Variants in DEF8 observed in about 807,000 individuals in gnomAD.
DEF8 encodes the protein differentially expressed in FDCP 8 homolog.
Under a neutral mutation model 59.1 loss-of-function variants are expected in DEF8, and 38 were observed. The observed-to-expected ratio is 0.64, with a 90% CI of 0.50 to 0.84. The LOEUF is 0.84. DEF8 is among the 40% of genes least tolerant of loss of function. The probability of loss-of-function intolerance (pLI) is 0.00; values close to 1 mark genes in which losing one functional copy is unlikely to be tolerated. For synonymous variants in DEF8, 265 were observed against 250.1 expected (o/e 1.06, Z -0.56); for missense variants, 557 against 615.2 (o/e 0.91, Z 1.00).
At chr16:89,958,635 T>A in intron 5 of DEF8, 1 of 241,680 alleles carries the variant, frequency 4.1e-6, no homozygotes, top group Non-Finnish European at 8.3e-6. Flanking sequence ...GGGGCCTCTA[T>A]GACAGCTAAT....
At chr16:89,957,115 G>C (rs1338798784) in intron 4 of DEF8, 1 of 158,434 alleles carries the variant, frequency 6.3e-6, no homozygotes, top group Non-Finnish European at 1.4e-5. Context: ...TGGCAGTCAA[G>C]CTCGAGGCCA....
rs539218429 is a variant in DEF8 at position 89,965,722 on chromosome 16, C to T, written c.1254-139C>T. Reference sequence around the variant, plus strand: ...CGCTCTGCACACGGCCATACAGTCACTTGCATCTGGCTGCAGACTCCGACT... The same window carrying T: ...CGCTCTGCACACGGCCATACAGTCATTTGCATCTGGCTGCAGACTCCGACT... On this transcript the variant is annotated intron_variant, in intron 12 of 12. Coordinates refer to ENST00000563594, the MANE Select transcript of DEF8 (RefSeq NM_001242818.2). 1.6e-4 allele frequency: 95 copies of T among 594,940 alleles called. 2 individuals are homozygous for T. In the African/African-American group the frequency reaches 1.7e-3, roughly 10 times the overall value. 36.9% of individuals were successfully genotyped at this position (594,940 alleles called of 1,614,324 possible).
Position 89,954,422 on chromosome 16 carries a change from C to G in DEF8, c.124+46C>G, listed in dbSNP as rs781681922. On this transcript the variant is annotated intron_variant, in intron 3 of 12. Transcript: ENST00000563594. This position sits in a 1 kb window ranked among gnomAD's most constrained non-coding sequence, Gnocchi z 4.3. ...GGGTGGGAGCTGGGCAGGTCTCTGA[C>G]TGCTTACGTGGACCCCTCCTTTCTT... The G allele has an allele frequency of 1.3e-6, 2 of 1,591,606 alleles. No homozygotes were observed. The highest frequency in any genetic ancestry group is 1.8e-5 in the Admixed American group (1 of 57,078).
intron 12 of DEF8, 35 bp from the exon 13 acceptor site, chr16:89,965,826 C>T: frequency 6.8e-7 from 1 of 1,465,758 alleles, no homozygotes; most frequent in Non-Finnish European, 9.5e-7. Context: ...CTGGAGTTTC[C>T]TGTGCAGAGA....
Position 89,963,434 on chromosome 16 carries a change from G to A in DEF8, c.993G>A (p.Leu331=), listed in dbSNP as rs201567148. The A allele has an allele frequency of 6.2e-7, 1 of 1,613,342 alleles. No individual in the cohort carries two copies. The highest frequency in any genetic ancestry group is 8.5e-7 in the Non-Finnish European group (1 of 1,179,646). The change falls in exon 10 of 13, where the codon CTG becomes CTA. Residue 331 remains leucine, a synonymous_variant. Transcript: ENST00000563594. The stretch of plus-strand genomic sequence containing the variant: ...GCAGGGAGGCCATGGAGGCTCGTCT[G>A]CTGCTGCAGGTCAGACTGCCAGCAG... ...ITCREAMEAR[L]LLQLQDRQHF...
intron 10 of DEF8, 36 bp from the exon 11 acceptor site, chr16:89,964,134 C>G: frequency 6.2e-7 from 1 of 1,613,804 alleles, no homozygotes; most frequent in Non-Finnish European, 8.5e-7. Flanking sequence ...GGGGCCCTCC[C>G]CGGTGCAGGG....
intron 4 of DEF8, among the ~76,000 whole-genome samples, chr16:89,955,660 C>A (rs547285409): frequency 5.3e-5 from 8 of 152,140 alleles, no homozygotes; most frequent in Non-Finnish European, 1.2e-4. Flanking sequence ...AAGGGGAAGC[C>A]CCTTGTCTGC....
At chr16:89,951,038 C>T (rs955280269) in intron 2 of DEF8, among the ~76,000 whole-genome samples, 8 of 152,118 alleles carry the variant, frequency 5.3e-5, no homozygotes, top group Non-Finnish European at 1.0e-4. Flanking sequence ...TACTATGTGC[C>T]GGCCAGTGTT....
intron 2 of DEF8, among the ~76,000 whole-genome samples, chr16:89,949,901 C>T (rs557654419): frequency 6.6e-6 from 1 of 152,298 alleles, no homozygotes; most frequent in South Asian, 2.1e-4. Context: ...GGCTGGCGTT[C>T]TGCTCAGAGT....
Position 89,960,500 on chromosome 16 carries a change from C to A in DEF8, c.515-431C>A, listed in dbSNP as rs372208523. ...CTCCAGCCTGGGCAAAAGAGCAAGA[C>A]CCTGTCTCTTAAAAAGTACAAAAAC... On this transcript the variant is annotated intron_variant, in intron 6 of 12. Transcript: ENST00000563594. Among the ~76,000 whole-genome samples, 6 of 152,012 alleles carry A rather than the reference C, an allele frequency of 3.9e-5. No individual in the cohort carries two copies. In the East Asian group the frequency reaches 1.2e-3, roughly 29 times the overall value.
chr16:89,963,521 CG>C, intron 10 of DEF8, 78 bp downstream of exon 10: 1 of 1,302,374 alleles, frequency 7.7e-7, no homozygotes, highest in Non-Finnish European at 1.1e-6. Flanking sequence ...AGGTTTTTTC[CG>C]GACAGCTTGT....
intron 2 of DEF8, chr16:89,952,640 C>G (rs374026484): frequency 6.6e-6 from 1 of 152,358 alleles, no homozygotes; most frequent in African/African-American, 2.4e-5. Context: ...GTGCTGGCAT[C>G]GGGTGGCCGC....
chr16:89,965,810 T>G, intron 12 of DEF8, 51 bp from the exon 13 acceptor site: 2 of 1,260,014 alleles, frequency 1.6e-6, no homozygotes, highest in Admixed American at 1.9e-5. Flanking sequence ...TTGGGGGGAT[T>G]CAGTGCTGGA....
Position 89,954,237 on chromosome 16 carries a change from C to G in DEF8, c.-10-6C>G. On this transcript the variant is annotated splice_polypyrimidine_tract_variant and splice_region_variant and intron_variant, in intron 2 of 12. Coordinates refer to ENST00000563594, the MANE Select transcript of DEF8 (RefSeq NM_001242818.2). The surrounding 1 kb of genome is among the most constrained non-coding windows in gnomAD (Gnocchi z 4.3). ...GGGACTCATCCTGGCCCTGCCTGGC[C>G]CTCAGGTGGGATGCTATGGAATATG... 2 of 1,611,168 alleles carry G rather than the reference C, an allele frequency of 1.2e-6. No individual in the cohort carries two copies. The highest frequency in any genetic ancestry group is 1.1e-5 in the South Asian group (1 of 90,866).
At chr16:89,960,022 G>A (rs755192035) in intron 6 of DEF8, among the ~76,000 whole-genome samples, 1 of 151,936 alleles carries the variant, frequency 6.6e-6, no homozygotes, top group African/African-American at 2.4e-5. Context: ...TGTGGCTGCA[G>A]CTCTGTGTCT....
At chr16:89,957,830 C>G (rs2033466850) in intron 5 of DEF8, among the ~76,000 whole-genome samples, 170 bp downstream of exon 5, 1 of 152,234 alleles carries the variant, frequency 6.6e-6, no homozygotes, top group Non-Finnish European at 1.5e-5. Context: ...CGGGCCCTCA[C>G]CCCACTGCGG....
Position 89,961,001 on chromosome 16 carries a change from C to T in DEF8, c.585C>T (p.Ser195=), listed in dbSNP as rs1200887511. ...ISKPCVSSKV[S]HQAEYELNIC... is the part of the protein sequence containing the mutation. ...AGCCCTGTGTGAGCTCCAAAGTCAG[C>T]CACCAAGCTGAATACGAACTGAACA... The change falls in exon 7 of 13, where the codon AGC becomes AGT. Residue 195 remains serine, a synonymous_variant. Coordinates refer to ENST00000563594, the MANE Select transcript of DEF8 (RefSeq NM_001242818.2). 1 of 1,614,182 alleles carries T rather than the reference C, an allele frequency of 6.2e-7. No homozygotes were observed. Among genetic ancestry groups the T allele is most frequent in the Admixed American group, 1.7e-5 (1 of 60,020 alleles).
intron 9 of DEF8, 76 bp downstream of exon 9, chr16:89,962,201 TCTC>T (rs886409307): frequency 9.9e-6 from 13 of 1,319,270 alleles, no homozygotes; most frequent in East Asian, 2.5e-5. Context: ...AGTACCCTCT[TCTC>T]CTCTGGGCCA....
chr16:89,965,524 T>A (rs982510060), intron 12 of DEF8, among the ~76,000 whole-genome samples: 19 of 152,116 alleles, frequency 1.2e-4, no homozygotes, highest in South Asian at 8.3e-4. Flanking sequence ...GATGTACAGT[T>A]TGGGAGCCAG....
Sources: gnomAD v4.1 joint callset for allele counts (sites outside exome capture counted in the v4.1 genomes callset) on GRCh38, gnomAD v4.1.1 for gene constraint, Gnocchi (gnomAD v3.1) non-coding constraint, MANE v1.5 for transcripts, NCBI Gene and HGNC (gene_info 2026-07-23, HGNC 2026-07-21) for gene names.